ADGRL2: variants seen among roughly 807,000 people sequenced by gnomAD.
ADGRL2 encodes the protein adhesion G protein-coupled receptor L2, also known as calcium-independent alpha-latrotoxin receptor 2.
Under a neutral mutation model 157.4 loss-of-function variants are expected in ADGRL2, and 44 were observed. The observed-to-expected ratio is 0.28, with a 90% confidence interval of 0.22 to 0.36. ADGRL2 has a LOEUF of 0.36. ADGRL2 is among the 10% of genes least tolerant of loss of function. The pLI is 1.00. For missense variants in ADGRL2, 1,510 were observed against 1,768.9 expected (o/e 0.85, Z 2.63); for synonymous variants, 585 against 624.7 (o/e 0.94, Z 0.95).
intron 1 of ADGRL2, among the ~76,000 whole-genome samples, chr1:81,823,794 C>G (rs1281463017): frequency 6.6e-6 from 1 of 151,960 alleles, no homozygotes; most frequent in Non-Finnish European, 1.5e-5. Context: ...AACAGTATAA[C>G]TATACCAAGA....
chr1:81,311,852 G>T (rs1020752121), intron 1 of ADGRL2, among the ~76,000 whole-genome samples: 1 of 152,134 alleles, frequency 6.6e-6, no homozygotes, highest in Non-Finnish European at 1.5e-5. Flanking sequence ...AAGGTGAAAA[G>T]TTAAGAAAAG....
At chr1:81,697,445 CT>C (rs1000101996), upstream of ADGRL2, among the ~76,000 whole-genome samples, 1 of 152,066 alleles carries the variant, frequency 6.6e-6, no homozygotes, top group African/African-American at 2.4e-5. Context: ...TGCACTAGCA[CT>C]TTTTTTGCCA....
intron 3 of ADGRL2, among the ~76,000 whole-genome samples, chr1:81,614,236 A>C (rs1460145862): frequency 6.6e-6 from 1 of 152,208 alleles, no homozygotes; most frequent in Non-Finnish European, 1.5e-5. Flanking sequence ...GTGAGCCTTA[A>C]CCCTCTCCAT....
intron 1 of ADGRL2, among the ~76,000 whole-genome samples, chr1:81,709,815 T>A (rs572980254): frequency 3.2e-4 from 48 of 152,218 alleles, no homozygotes; most frequent in African/African-American, 1.2e-3. Flanking sequence ...TTTAAAAAAA[T>A]TTTCGAAACA....
chr1:81,573,735 A>G, intron 2 of ADGRL2, among the ~76,000 whole-genome samples: 1 of 152,292 alleles, frequency 6.6e-6, no homozygotes, highest in South Asian at 2.1e-4. Flanking sequence ...TGTGTGGAGG[A>G]GAACTTTTGA....
chr1:81,503,150 G>A (rs1230539772), intron 2 of ADGRL2: 27 of 1,614,058 alleles, frequency 1.7e-5, no homozygotes, highest in Non-Finnish European at 2.1e-5. Flanking sequence ...GCCTTCCAGC[G>A]CAACTTTTTC....
rs114167687 is a variant in ADGRL2, at chr1:81,488,220, G to T, written c.-248+43131G>T. 2.3e-3 allele frequency among the ~76,000 whole-genome samples: 343 copies of T among 152,080 alleles called. 1 individual carries two copies. Among genetic ancestry groups the T allele is most frequent in the African/African-American group, 8.0e-3 (334 of 41,496 alleles). ...TTGAAAGTGACTATGTATGTCCAGG[G>T]AAAAAAGCAGGTTCAGAAAAGTCCT... On this transcript the variant is annotated intron_variant, in intron 2 of 24. Transcript: ENST00000370721.
At chr1:81,719,462 G>A (rs2084224690) in intron 1 of ADGRL2, among the ~76,000 whole-genome samples, 1 of 152,072 alleles carries the variant, frequency 6.6e-6, no homozygotes, top group Non-Finnish European at 1.5e-5. Context: ...CTTTCTCTGT[G>A]TTCCTTTACA....
At chr1:81,542,466 C>T (rs1207446477) in intron 2 of ADGRL2, among the ~76,000 whole-genome samples, 1 of 152,126 alleles carries the variant, frequency 6.6e-6, no homozygotes, top group Non-Finnish European at 1.5e-5. Flanking sequence ...TGCTGTTAGG[C>T]GAGGCGTGGT....
intron 2 of ADGRL2, among the ~76,000 whole-genome samples, chr1:81,781,093 CTCTG>C (rs772955215): frequency 1.6e-4 from 24 of 152,278 alleles, no homozygotes; most frequent in Non-Finnish European, 3.4e-4. Context: ...TTCCTCCTCC[CTCTG>C]TCTATGAGCT....
intron 2 of ADGRL2, among the ~76,000 whole-genome samples, chr1:81,897,222 G>A (rs929240101): frequency 7.2e-5 from 11 of 152,088 alleles, no homozygotes; most frequent in African/African-American, 2.4e-4. Context: ...AACATCCTGT[G>A]CGGAGGAGAT....
chr1:81,477,055 G>A (rs2078286905), intron 2 of ADGRL2, among the ~76,000 whole-genome samples: 1 of 152,140 alleles, frequency 6.6e-6, no homozygotes, highest in African/African-American at 2.4e-5. Context: ...TCTGTTCACA[G>A]AACTACTTTT....
chr1:81,707,385 T>C (rs576078089), intron 1 of ADGRL2, among the ~76,000 whole-genome samples: 45 of 152,218 alleles, frequency 3.0e-4, no homozygotes, highest in African/African-American at 1.1e-3. Flanking sequence ...TCTATCCTCA[T>C]AGGAGAATGT....
At chr1:81,587,426 G>T (rs963775793) in intron 3 of ADGRL2, among the ~76,000 whole-genome samples, 6 of 152,044 alleles carry the variant, frequency 3.9e-5, no homozygotes, top group African/African-American at 1.4e-4. Flanking sequence ...TATTCATCAA[G>T]CAGAAAAGGA....
intron 3 of ADGRL2, among the ~76,000 whole-genome samples, chr1:81,616,054 A>T (rs1403366296): frequency 7.2e-6 from 1 of 138,086 alleles, no homozygotes; most frequent in African/African-American, 2.8e-5. Flanking sequence ...CCCCCACCCA[A>T]CATCAAGGCC....
chr1:81,343,203 C>T (rs111712759), intron 1 of ADGRL2, among the ~76,000 whole-genome samples: 3,303 of 150,950 alleles, frequency 0.022, 113 homozygotes, highest in African/African-American at 0.075. Flanking sequence ...AATTGTCACG[C>T]CTTAGCCTCC....
rs553464830 is a variant in ADGRL2, at chr1:81,502,867, C to G, written c.-248+57778C>G. The stretch of plus-strand genomic sequence containing the variant: ...TGCCCTCCTCTCCCCACCCAAGATC[C>G]GCTTTCCCATCCTTGGGCTTGGCTC... On this transcript the variant is annotated intron_variant, in intron 2 of 24. Transcript: ENST00000370721. 707 of 1,613,200 alleles carry G rather than the reference C, an allele frequency of 4.4e-4. 3 individuals are homozygous for G. In the African/African-American group the frequency reaches 8.6e-3, roughly 20 times the overall value.
chr1:81,734,010 C>T (rs1188250360), intron 1 of ADGRL2, among the ~76,000 whole-genome samples: 1 of 152,178 alleles, frequency 6.6e-6, no homozygotes, highest in Non-Finnish European at 1.5e-5. Flanking sequence ...GGCGCAGTGG[C>T]TCACACCTGT....
intron 2 of ADGRL2, among the ~76,000 whole-genome samples, chr1:81,785,845 C>T (rs2087017901): frequency 6.6e-6 from 1 of 151,904 alleles, no homozygotes; most frequent in African/African-American, 2.4e-5. Flanking sequence ...TAGTGGCTCA[C>T]ACCTGTAATT....
Sources: allele counts gnomAD v4.1 joint callset (sites outside exome capture counted in the v4.1 genomes callset), GRCh38; gene constraint gnomAD v4.1.1; transcripts MANE v1.5; gene names NCBI Gene and HGNC (gene_info 2026-07-23, HGNC 2026-07-21).